BCAS3: variants seen among roughly 807,000 people sequenced by gnomAD.
BCAS3 encodes BCAS4/BCAS3 fusion.
BCAS3 carries 53 observed loss-of-function variants against 116.1 expected under a neutral mutation model. The observed-to-expected ratio is 0.46, with a 90% CI of 0.37 to 0.57. The LOEUF is 0.57. BCAS3 is among the 20% of genes least tolerant of loss of function. The pLI is 0.00. For synonymous variants in BCAS3, 391 were observed against 408.2 expected, an observed-to-expected ratio of 0.96 and a Z score of 0.51; for missense variants, 917 against 1,165.4, an observed-to-expected ratio of 0.79 and a Z score of 3.10.
intron 6 of BCAS3, among the ~76,000 whole-genome samples, chr17:60,775,767 G>A (rs2045225732): frequency 6.6e-6 from 1 of 152,176 alleles, no homozygotes; most frequent in Non-Finnish European, 1.5e-5. Flanking sequence ...CTGACTACCT[G>A]GCAGTGGGTA....
chr17:61,014,661 AGG>A (rs1190520837), intron 15 of BCAS3, among the ~76,000 whole-genome samples: 1 of 151,948 alleles, frequency 6.6e-6, no homozygotes, highest in Non-Finnish European at 1.5e-5. Flanking sequence ...AAAAAAAAAA[AGG>A]GCATCTAGAC....
At chr17:61,116,382 A>G (rs1316876394) in intron 22 of BCAS3, among the ~76,000 whole-genome samples, 1 of 152,118 alleles carries the variant, frequency 6.6e-6, no homozygotes, top group Non-Finnish European at 1.5e-5. Flanking sequence ...TCACTATTTC[A>G]CCAATTTGAG....
intron 22 of BCAS3, among the ~76,000 whole-genome samples, chr17:61,321,255 A>G (rs1401508711): frequency 6.6e-6 from 1 of 152,210 alleles, no homozygotes; most frequent in Non-Finnish European, 1.5e-5. Flanking sequence ...ATGGCATGAA[A>G]TAAAGTGGTA....
intron 14 of BCAS3, among the ~76,000 whole-genome samples, chr17:60,970,385 A>T (rs1418133874): frequency 6.6e-6 from 1 of 152,196 alleles, no homozygotes; most frequent in East Asian, 1.9e-4. Flanking sequence ...GTATATCAAA[A>T]TTCAACCATA....
At position 60,977,840 on chromosome 17, in the gene BCAS3, T is replaced by G. The variant is rs369049536; in HGVS notation, c.1222-12131T>G. Among the ~76,000 whole-genome samples the G allele has an allele frequency of 6.6e-4, 98 of 148,542 alleles. 1 individual carries two copies. The East Asian group carries it at 0.015, about 23-fold the overall frequency. On this transcript the variant is annotated intron_variant, in intron 14 of 23. Coordinates refer to ENST00000407086, the MANE Select transcript of BCAS3 (RefSeq NM_017679.5). Reference sequence around the variant, plus strand: ...TACAAAGGACATGAACTCATCATTTTTTATGGCTGCATAGTATTCCATGGT... The same window carrying G: ...TACAAAGGACATGAACTCATCATTTGTTATGGCTGCATAGTATTCCATGGT...
At chr17:61,270,611 A>T (rs1184539776) in intron 22 of BCAS3, among the ~76,000 whole-genome samples, 1 of 152,124 alleles carries the variant, frequency 6.6e-6, no homozygotes, top group African/African-American at 2.4e-5. Flanking sequence ...CTATTTGTCT[A>T]CTTTTGCTTT....
rs2144567905 is a variant in BCAS3, at chr17:61,256,107, G to C, written c.2426-112220G>C. 6.6e-6 allele frequency among the ~76,000 whole-genome samples: 1 copy of C among 152,198 alleles called. No individual in the cohort carries two copies. Among genetic ancestry groups the C allele is most frequent in the Middle Eastern group, 3.4e-3 (1 of 294 alleles). On this transcript the variant is annotated intron_variant, in intron 22 of 23. Transcript: ENST00000407086. This position sits in a 1 kb window ranked among gnomAD's most constrained non-coding sequence, Gnocchi z 5.6. ...TCCATCAGCCTCTACTGGTAATCAG[G>C]AGAAATGGGCCAATGGCTTTATGTA...
At chr17:60,777,574 T>C (rs866647391) in intron 6 of BCAS3, among the ~76,000 whole-genome samples, 1 of 151,950 alleles carries the variant, frequency 6.6e-6, no homozygotes, top group African/African-American at 2.4e-5. Context: ...TGTAGTGAGC[T>C]GAGATCATGC....
intron 22 of BCAS3, among the ~76,000 whole-genome samples, chr17:61,115,408 A>G (rs1350879583): frequency 1.3e-5 from 2 of 149,586 alleles, no homozygotes; most frequent in Non-Finnish European, 3.0e-5. Context: ...AAAACAAACA[A>G]CCCCATCAAA....
intron 15 of BCAS3, among the ~76,000 whole-genome samples, chr17:61,011,803 AT>A (rs1311196378): frequency 6.6e-6 from 1 of 152,018 alleles, no homozygotes; most frequent in Non-Finnish European, 1.5e-5. Context: ...ATAACCAAAG[AT>A]TTTAACAATA....
At chr17:60,820,983 G>A (rs2049911856) in intron 7 of BCAS3, among the ~76,000 whole-genome samples, 1 of 152,034 alleles carries the variant, frequency 6.6e-6, no homozygotes, top group Non-Finnish European at 1.5e-5. Context: ...TTTTGCTCTT[G>A]TCGCCCAGGC....
intron 9 of BCAS3, among the ~76,000 whole-genome samples, chr17:60,875,490 T>A (rs1413029907): frequency 6.6e-6 from 1 of 152,100 alleles, no homozygotes; most frequent in African/African-American, 2.4e-5. Context: ...AGTTTCGTAT[T>A]ACCAATTTTA....
chr17:60,893,862 G>A (rs569124005), intron 10 of BCAS3, among the ~76,000 whole-genome samples: 18 of 151,996 alleles, frequency 1.2e-4, no homozygotes, highest in African/African-American at 4.3e-4. Context: ...ACCCACCTTG[G>A]CCTCCCAAAG....
At chr17:61,081,059 T>C (rs569467724) in intron 21 of BCAS3, among the ~76,000 whole-genome samples, 1 of 152,356 alleles carries the variant, frequency 6.6e-6, no homozygotes, top group East Asian at 1.9e-4. Flanking sequence ...GTCAATTCTT[T>C]GCAGTCCTCA....
chr17:61,143,987 T>C lies in BCAS3; in HGVS notation c.2425+59423T>C, dbSNP rs112099945. Among the ~76,000 whole-genome samples the C allele has an allele frequency of 2.3e-3, 355 of 152,334 alleles. 1 individual carries two copies. The highest frequency in any genetic ancestry group is 8.2e-3 in the African/African-American group (342 of 41,568). On this transcript the variant is annotated intron_variant, in intron 22 of 23. Coordinates refer to ENST00000407086, the MANE Select transcript of BCAS3 (RefSeq NM_017679.5). ...TCATGAAATCAGAAAGAATTTTTTT[T>C]CTGAAATACTAAATTCCCATAACCT...
At chr17:60,807,271 AT>A (rs1215947660) in intron 6 of BCAS3, among the ~76,000 whole-genome samples, 9 of 152,176 alleles carry the variant, frequency 5.9e-5, no homozygotes, top group South Asian at 2.1e-4. Flanking sequence ...TTGCTATTTA[AT>A]TTGCTGATAT....
intron 9 of BCAS3, among the ~76,000 whole-genome samples, chr17:60,877,177 T>C (rs2055689726): frequency 6.6e-6 from 1 of 150,578 alleles, no homozygotes; most frequent in Admixed American, 6.6e-5. Flanking sequence ...AGAAATGATA[T>C]ATATATATAT....
intron 7 of BCAS3, among the ~76,000 whole-genome samples, chr17:60,831,655 C>T (rs541434489): frequency 4.0e-5 from 6 of 151,886 alleles, no homozygotes; most frequent in Middle Eastern, 3.5e-3. Context: ...AGCCTCCCTA[C>T]GTGTGTGTGG....
intron 14 of BCAS3, among the ~76,000 whole-genome samples, chr17:60,975,352 A>G (rs1260114222): frequency 2.0e-5 from 3 of 152,234 alleles, no homozygotes; most frequent in Non-Finnish European, 2.9e-5. Context: ...CACGATAGGC[A>G]CAGATAAAAA....
Sources: gnomAD v4.1 joint callset for allele counts (sites outside exome capture counted in the v4.1 genomes callset) on GRCh38, gnomAD v4.1.1 for gene constraint, Gnocchi (gnomAD v3.1) non-coding constraint, MANE v1.5 for transcripts, NCBI Gene and HGNC (gene_info 2026-07-23, HGNC 2026-07-21) for gene names.